Variants in CHD9 observed in about 807,000 individuals in gnomAD.
CHD9 encodes the protein chromodomain helicase DNA binding protein 9, also known as ATP-dependent chromatin remodeler CHD9.
In CHD9, 77 loss-of-function variants were observed where a neutral mutation model predicts 316.1. The ratio of observed to expected loss-of-function variants is 0.24; its 90% CI spans 0.20 to 0.29. The LOEUF (loss-of-function observed/expected upper bound fraction) is 0.29. Ranked by LOEUF, CHD9 falls within the 10% of genes least tolerant of loss-of-function variation. CHD9 has a pLI of 1.00. For synonymous variants in CHD9, 1,129 were observed against 1,158.3 expected, an observed-to-expected ratio of 0.97 and a Z score of 0.51; for missense variants, 2,763 against 3,438.1, an observed-to-expected ratio of 0.80 and a Z score of 4.91.
chr16:53,146,603 G>T (rs1358051613), intron 1 of CHD9, among the ~76,000 whole-genome samples: 2 of 149,950 alleles, frequency 1.3e-5, no homozygotes, highest in Non-Finnish European at 3.0e-5. Context: ...TTTGAGACCA[G>T]CCTGGCCAAC....
chr16:53,220,032 T>TA (rs1196569682), intron 3 of CHD9, among the ~76,000 whole-genome samples: 2 of 152,160 alleles, frequency 1.3e-5, no homozygotes, highest in African/African-American at 2.4e-5. Flanking sequence ...GGTCTAACAG[T>TA]AAATATAGCC....
intron 1 of CHD9, among the ~76,000 whole-genome samples, chr16:53,060,885 C>A (rs2032799530): frequency 6.6e-6 from 1 of 151,108 alleles, no homozygotes; most frequent in Non-Finnish European, 1.5e-5. Flanking sequence ...TGCACCACCG[C>A]ACTCCAGCCT....
intron 1 of CHD9, among the ~76,000 whole-genome samples, chr16:53,140,176 G>C (rs908885441): frequency 1.3e-4 from 20 of 151,140 alleles, no homozygotes; most frequent in African/African-American, 4.1e-4. Flanking sequence ...AAATATTTAG[G>C]CCGGGAGTGG....
chr16:53,272,029 C>A (rs1402485618), intron 22 of CHD9, among the ~76,000 whole-genome samples: 1 of 152,000 alleles, frequency 6.6e-6, no homozygotes, highest in Non-Finnish European at 1.5e-5. Context: ...CATATGTATG[C>A]AGCCTATGTA....
At position 53,222,687 on chromosome 16, in the gene CHD9, G is replaced by A. The variant is rs1464157113; in HGVS notation, c.1828G>A (p.Glu610Lys). ...GGGTAAGAAACAAAAAAGAAAGAATGAGTCTTCAGATGAAATATCTGATGC... is the reference window on the plus strand; with the variant it reads ...GGGTAAGAAACAAAAAAGAAAGAATAAGTCTTCAGATGAAATATCTGATGC... The part of the protein sequence containing the change: ...TLGKKQKRKN[E>K]SSDEISDAEQ... The change falls in exon 4 of 39, where the codon GAG (glutamate) becomes AAG (lysine). Residue 610 changes from glutamate to lysine, a missense_variant. Transcript: ENST00000447540. 1 of 1,580,254 alleles carries A rather than the reference G, an allele frequency of 6.3e-7. No individual in the cohort carries two copies. The highest frequency in any genetic ancestry group is 8.6e-7 in the Non-Finnish European group (1 of 1,157,716).
intron 11 of CHD9, among the ~76,000 whole-genome samples, chr16:53,237,208 C>A (rs2048708402): frequency 1.3e-5 from 2 of 152,226 alleles, no homozygotes; most frequent in South Asian, 2.1e-4. Context: ...TCACCCTACA[C>A]CCCATACTTT....
chr16:53,091,847 C>A (rs923649124), intron 1 of CHD9, among the ~76,000 whole-genome samples: 3 of 152,144 alleles, frequency 2.0e-5, no homozygotes, highest in African/African-American at 7.2e-5. Context: ...CTCCTTCCTT[C>A]CTTTTGACCT....
chr16:53,242,252 C>T (rs750970446), intron 12 of CHD9, among the ~76,000 whole-genome samples: 4 of 152,260 alleles, frequency 2.6e-5, no homozygotes, highest in South Asian at 2.1e-4. Flanking sequence ...TTCCACAGCC[C>T]TTATCTCTAA....
chr16:53,072,695 A>AT (rs200256460), intron 1 of CHD9, among the ~76,000 whole-genome samples: 2,957 of 150,438 alleles, frequency 0.02, 105 homozygotes, highest in African/African-American at 0.07. Flanking sequence ...TTATTTTTTT[A>AT]TTTTTTTTAT....
intron 1 of CHD9, among the ~76,000 whole-genome samples, chr16:53,080,216 G>T (rs916134838): frequency 6.6e-6 from 1 of 152,172 alleles, no homozygotes; most frequent in Admixed American, 6.5e-5. Flanking sequence ...GGCAGAAACA[G>T]ATCTTAGGAG....
intron 2 of CHD9, among the ~76,000 whole-genome samples, chr16:53,199,541 G>A (rs558916190): frequency 3.9e-5 from 6 of 152,232 alleles, no homozygotes; most frequent in Admixed American, 2.6e-4. Flanking sequence ...GGCATTTAGT[G>A]TACTCATCAC....
chr16:53,121,045 A>G (rs1403347908), intron 1 of CHD9, among the ~76,000 whole-genome samples: 1 of 152,184 alleles, frequency 6.6e-6, no homozygotes, highest in African/African-American at 2.4e-5. Flanking sequence ...CCCTATAAAC[A>G]TACCAATTAC....
intron 10 of CHD9, among the ~76,000 whole-genome samples, chr16:53,233,014 G>A (rs756599191): frequency 2.5e-4 from 38 of 152,064 alleles, no homozygotes; most frequent in Admixed American, 1.1e-3. Flanking sequence ...GAATTCTTCC[G>A]ACCAGCAAGC....
intron 19 of CHD9, among the ~76,000 whole-genome samples, chr16:53,262,532 C>T (rs2051246170): frequency 6.6e-6 from 1 of 151,938 alleles, no homozygotes. Context: ...CTTTATTTCC[C>T]ATATCCTGTG....
At chr16:53,222,847 A>G (rs2047360738) in intron 4 of CHD9, 92 bp downstream of exon 4, 1 of 615,920 alleles carries the variant, frequency 1.6e-6, no homozygotes, top group South Asian at 2.2e-5. Context: ...CTTTAGTTAG[A>G]AGTAAAAATA....
At chr16:53,208,326 A>G (rs1033870906) in intron 2 of CHD9, 4 of 1,282,270 alleles carry the variant, frequency 3.1e-6, no homozygotes, top group South Asian at 2.5e-5. Flanking sequence ...AAATGTCTTC[A>G]GTGAAGAGGC....
chr16:53,059,434 AC>A (rs1219128269), intron 1 of CHD9, among the ~76,000 whole-genome samples: 1 of 152,036 alleles, frequency 6.6e-6, no homozygotes, highest in East Asian at 1.9e-4. Flanking sequence ...TGAGACCCCC[AC>A]CTCTATCTTT....
rs1176782682 is a variant in CHD9, at chr16:53,067,969, G to A, written c.-165+12892G>A. Among the ~76,000 whole-genome samples, 3 of 152,302 alleles carry A rather than the reference G, an allele frequency of 2.0e-5. No individual in the cohort carries two copies. The East Asian group carries it at 5.8e-4, about 29-fold the overall frequency. On this transcript the variant is annotated intron_variant, in intron 1 of 38. Coordinates refer to ENST00000447540, the MANE Select transcript of CHD9 (RefSeq NM_001308319.2). ...AGCTACTTGGGGTGCTGAGGCAGGA[G>A]AATTGCTTGAGCCCAGGAGGTCAAG...
At chr16:53,219,811 A>G (rs563231916) in intron 3 of CHD9, among the ~76,000 whole-genome samples, 1 of 152,352 alleles carries the variant, frequency 6.6e-6, no homozygotes, top group South Asian at 2.1e-4. Context: ...TTATAAAATA[A>G]TAGTACTTCC....
Sources: allele counts gnomAD v4.1 joint callset (sites outside exome capture counted in the v4.1 genomes callset), GRCh38; gene constraint gnomAD v4.1.1; transcripts MANE v1.5; gene names NCBI Gene and HGNC (gene_info 2026-07-23, HGNC 2026-07-21).